RSRC1: variants seen among roughly 807,000 people sequenced by gnomAD.
RSRC1 encodes arginine and serine rich coiled-coil 1, also known as serine/Arginine-related protein 53.
A neutral mutation model predicts 49.1 loss-of-function variants in RSRC1; 39 were observed. The observed-to-expected ratio is 0.79, with a 90% CI of 0.61 to 1.04. The LOEUF (loss-of-function observed/expected upper bound fraction) is 1.04, where lower values mean the gene tolerates loss of function less well. Ranked by LOEUF, RSRC1 falls within the 50% of genes least tolerant of loss-of-function variation. The pLI, the probability that RSRC1 is intolerant of heterozygous loss-of-function variation, is 0.00. For synonymous variants in RSRC1, 143 were observed against 130.8 expected (o/e 1.09, Z -0.63); for missense variants, 388 against 402.4 (o/e 0.96, Z 0.31).
chr3:158,219,443 C>T (rs990821964), intron 4 of RSRC1, among the ~76,000 whole-genome samples: 1 of 151,520 alleles, frequency 6.6e-6, no homozygotes, highest in Non-Finnish European at 1.5e-5. Flanking sequence ...CTATTCTTTC[C>T]CTAAAAATCC....
At chr3:158,229,674 C>T (rs777544785) in intron 4 of RSRC1, among the ~76,000 whole-genome samples, 1 of 151,690 alleles carries the variant, frequency 6.6e-6, no homozygotes, top group Non-Finnish European at 1.5e-5. Flanking sequence ...TTCACATTAA[C>T]AAAGAAGTTG....
At chr3:158,413,982 T>C (rs192192044) in intron 6 of RSRC1, among the ~76,000 whole-genome samples, 2 of 152,298 alleles carry the variant, frequency 1.3e-5, no homozygotes, top group Non-Finnish European at 1.5e-5. Context: ...ATTCCATTAC[T>C]GGAATTATAC....
At chr3:158,309,991 A>G (rs1030405669) in intron 5 of RSRC1, among the ~76,000 whole-genome samples, 3 of 151,724 alleles carry the variant, frequency 2.0e-5, no homozygotes, top group Admixed American at 1.3e-4. Context: ...GTATTAAACC[A>G]TAGGAGTAGA....
intron 7 of RSRC1, among the ~76,000 whole-genome samples, chr3:158,524,550 G>T (rs1711891322): frequency 1.3e-5 from 2 of 151,952 alleles, no homozygotes; most frequent in Middle Eastern, 3.2e-3. Context: ...TTTTCAAACT[G>T]ATGTCTTACC....
chr3:158,197,244 C>T (rs1483928614), intron 3 of RSRC1, among the ~76,000 whole-genome samples: 11 of 152,196 alleles, frequency 7.2e-5, no homozygotes, highest in African/African-American at 2.2e-4. Context: ...GTGTATGTGT[C>T]GAGGAATTTA....
intron 1 of RSRC1, among the ~76,000 whole-genome samples, chr3:158,110,822 C>T (rs987014241): frequency 6.6e-6 from 1 of 152,194 alleles, no homozygotes; most frequent in Non-Finnish European, 1.5e-5. Context: ...GACTTCTGTA[C>T]TGGTGGCATG....
intron 3 of RSRC1, among the ~76,000 whole-genome samples, chr3:158,151,383 T>A (rs1381786838): frequency 6.6e-6 from 1 of 152,168 alleles, no homozygotes; most frequent in Non-Finnish European, 1.5e-5. Flanking sequence ...AAGATTAGGA[T>A]GTTTCTTTCT....
chr3:158,482,247 G>T (rs916797272), intron 7 of RSRC1, among the ~76,000 whole-genome samples: 8 of 151,922 alleles, frequency 5.3e-5, no homozygotes, highest in Non-Finnish European at 8.8e-5. Context: ...TAATAGCATT[G>T]CTGAGGGTCT....
chr3:158,284,307 A>G (rs539657183), intron 4 of RSRC1, among the ~76,000 whole-genome samples: 83 of 151,466 alleles, frequency 5.5e-4, no homozygotes, highest in African/African-American at 1.9e-3. Flanking sequence ...GGACAGTTGG[A>G]CTGGTTCCAA....
chr3:158,179,811 A>G (rs909580855), intron 3 of RSRC1, among the ~76,000 whole-genome samples: 3 of 152,208 alleles, frequency 2.0e-5, no homozygotes, highest in African/African-American at 7.2e-5. Context: ...TAAAGTGCCA[A>G]ACTATTTTCC....
At chr3:158,148,898 C>T (rs1453776246) in intron 3 of RSRC1, among the ~76,000 whole-genome samples, 3 of 151,976 alleles carry the variant, frequency 2.0e-5, no homozygotes, top group African/African-American at 7.3e-5. Context: ...AGTCTCCTAC[C>T]TCAGCCTCCC....
In RSRC1 at chr3:158,255,970, A is replaced by G. The variant is rs550305000; in HGVS notation, c.495-42069A>G. On this transcript the variant is annotated intron_variant, in intron 4 of 9. Coordinates refer to ENST00000611884, the MANE Select transcript of RSRC1 (RefSeq NM_001271838.2). ...CTTGAGGAGATTTTGGGCTGAGACA[A>G]TGGGGATTTCTAAGTGTACAATCAT... 2.0e-4 allele frequency among the ~76,000 whole-genome samples: 30 copies of G among 152,244 alleles called. 1 individual carries two copies. Among genetic ancestry groups the G allele is most frequent in the African/African-American group, 5.8e-4 (24 of 41,544 alleles).
chr3:158,527,062 T>C (rs1385212693), intron 7 of RSRC1, among the ~76,000 whole-genome samples: 1 of 149,208 alleles, frequency 6.7e-6, no homozygotes, highest in East Asian at 2.0e-4. Flanking sequence ...TCTTAAGAAG[T>C]TAATAGTTCA....
At chr3:158,333,427 T>C (rs191699210) in intron 5 of RSRC1, among the ~76,000 whole-genome samples, 66 of 152,330 alleles carry the variant, frequency 4.3e-4, no homozygotes, top group African/African-American at 1.5e-3. Flanking sequence ...GAAAAATCTC[T>C]CAGTACAGTA....
chr3:158,372,046 T>TTTTTTTTTTTTTTTTTTTTTTTTTTTG, intron 6 of RSRC1, among the ~76,000 whole-genome samples: 1 of 139,836 alleles, frequency 7.2e-6, no homozygotes, highest in South Asian at 2.4e-4. Flanking sequence ...TGCTGAGTTT[T>TTTTTTTTTTTTTTTTTTTTTTTTTTTG]AAGAGTTTGT....
At chr3:158,271,384 G>GGTT (rs1470181061) in intron 4 of RSRC1, among the ~76,000 whole-genome samples, 2 of 152,098 alleles carry the variant, frequency 1.3e-5, no homozygotes, top group South Asian at 2.1e-4. Context: ...ATACACAGAT[G>GGTT]GTTCTTATAA....
intron 3 of RSRC1, among the ~76,000 whole-genome samples, chr3:158,170,606 G>A (rs1412629374): frequency 6.6e-6 from 1 of 152,124 alleles, no homozygotes; most frequent in Non-Finnish European, 1.5e-5. Flanking sequence ...TATGCACTGA[G>A]TTGCTCATTT....
chr3:158,232,276 A>C (rs1004849348), intron 4 of RSRC1, among the ~76,000 whole-genome samples: 1 of 152,142 alleles, frequency 6.6e-6, no homozygotes, highest in East Asian at 1.9e-4. Flanking sequence ...TAGAGAAATA[A>C]AATTATAACT....
intron 5 of RSRC1, among the ~76,000 whole-genome samples, chr3:158,352,674 A>T (rs1047799042): frequency 6.6e-6 from 1 of 152,086 alleles, no homozygotes; most frequent in East Asian, 1.9e-4. Flanking sequence ...CACATTCTGT[A>T]CTGGTTTTCA....
Sources: allele counts gnomAD v4.1 joint callset (sites outside exome capture counted in the v4.1 genomes callset), GRCh38; gene constraint gnomAD v4.1.1; transcripts MANE v1.5; gene names NCBI Gene and HGNC (gene_info 2026-07-23, HGNC 2026-07-21).